Variants in DCHS2 observed in about 807,000 individuals in gnomAD.
DCHS2 encodes the protein dachsous cadherin-related 2.
DCHS2 carries 142 observed loss-of-function variants against 182.4 expected under a neutral mutation model. That is an observed-to-expected ratio of 0.78 (90% CI 0.68 to 0.89). The LOEUF is 0.89. Among genes scored for constraint, DCHS2 ranks in the 40% least tolerant of loss-of-function variants. The pLI, the probability that DCHS2 is intolerant of heterozygous loss-of-function variation, is 0.00. For missense variants in DCHS2, 4,319 were observed against 4,198.6 expected (o/e 1.03, Z -0.79); for synonymous variants, 1,740 against 1,663.3 (o/e 1.05, Z -1.12).
intron 12 of DCHS2, 153 bp from the exon 13 acceptor site, chr4:154,298,861 A>G: frequency 8.6e-7 from 1 of 1,167,394 alleles, no homozygotes; most frequent in Non-Finnish European, 1.1e-6. Flanking sequence ...TGGGGATATA[A>G]CAGTAAGCAT....
At chr4:154,387,542 A>G (rs1240055702) in intron 1 of DCHS2, among the ~76,000 whole-genome samples, 3 of 152,188 alleles carry the variant, frequency 2.0e-5, no homozygotes, top group Non-Finnish European at 4.4e-5. Context: ...GAGATTCTAC[A>G]CCAATATGTT....
At chr4:154,256,708 TTAG>T (rs1732692971) in intron 15 of DCHS2, among the ~76,000 whole-genome samples, 1 of 152,182 alleles carries the variant, frequency 6.6e-6, no homozygotes, top group Non-Finnish European at 1.5e-5. Context: ...AGCCTTAGTC[TTAG>T]CTCCTGTCCC....
rs184529509 is a variant in DCHS2 at position 154,359,808 on chromosome 4, G to T, written c.2476+6402C>A. Among the ~76,000 whole-genome samples the T allele has an allele frequency of 1.2e-4, 18 of 152,008 alleles. No homozygotes were observed. In the East Asian group the frequency reaches 3.5e-3, roughly 29 times the overall value. On this transcript the variant is annotated intron_variant, in intron 3 of 19. Transcript: ENST00000357232. ...TTAAGAAAAAAATGTACCTGTTTTG[G>T]AAAAGTCCACTGAGTTCTACTTACT...
At chr4:154,361,788 G>A (rs1294245305) in intron 3 of DCHS2, among the ~76,000 whole-genome samples, 1 of 151,904 alleles carries the variant, frequency 6.6e-6, no homozygotes, top group Admixed American at 6.6e-5. Context: ...CATACCAGAT[G>A]AACACAGTAA....
chr4:154,393,310 T>A (rs1274977072), intron 1 of DCHS2, among the ~76,000 whole-genome samples: 1 of 152,182 alleles, frequency 6.6e-6, no homozygotes, highest in Non-Finnish European at 1.5e-5. Flanking sequence ...CAAGTCCCAT[T>A]CACATGGCTC....
intron 1 of DCHS2, among the ~76,000 whole-genome samples, chr4:154,405,197 G>A (rs1002029270): frequency 2.0e-5 from 3 of 152,114 alleles, no homozygotes; most frequent in Admixed American, 6.5e-5. Context: ...TTGCAAGTGA[G>A]CTGAGATCAC....
chr4:154,248,798 C>T (rs1160916716), intron 16 of DCHS2, among the ~76,000 whole-genome samples: 1 of 152,074 alleles, frequency 6.6e-6, no homozygotes, highest in Non-Finnish European at 1.5e-5. Context: ...TACAACCATT[C>T]AATCTTTGAC....
At chr4:154,360,395 G>A (rs560313625) in intron 3 of DCHS2, among the ~76,000 whole-genome samples, 1 of 152,094 alleles carries the variant, frequency 6.6e-6, no homozygotes, top group East Asian at 1.9e-4. Flanking sequence ...TCTGTGATCT[G>A]GTACGAGAAA....
At chr4:154,334,207 T>C (rs1051223306) in intron 4 of DCHS2, 5 of 152,552 alleles carry the variant, frequency 3.3e-5, no homozygotes, top group African/African-American at 9.7e-5. Context: ...ATACTCTCCA[T>C]AGAGATTGAG....
chr4:154,235,965 C>T lies in DCHS2; in HGVS notation c.8687G>A (p.Arg2896Lys). 6.2e-7 allele frequency: 1 copy of T among 1,614,016 alleles called. No homozygotes were observed. Among genetic ancestry groups the T allele is most frequent in the Non-Finnish European group, 8.5e-7 (1 of 1,179,940 alleles). ...FFTLPEKNKD[R>K]QLIGRVEASD... ...GGCTTCCACTCTGCCAATCAACTGT[C>T]TGTCTTTATTCTTTTCTGGGAGGGT... The change falls in exon 20 of 20, where the codon AGA becomes AAA. Residue 2896 changes from arginine (R) to lysine (K), a missense_variant. Physicochemically the swap from Arg to Lys is conservative, Grantham distance 26 (BLOSUM62 2). Transcript: ENST00000357232.
Position 154,286,814 on chromosome 4 carries a change from G to T in DCHS2, c.6463+11037C>A, listed in dbSNP as rs367768013. Among the ~76,000 whole-genome samples the T allele has an allele frequency of 3.9e-5, 6 of 152,086 alleles. No homozygotes were observed. In the East Asian group the frequency reaches 9.7e-4, roughly 24 times the overall value. ...GTTTATTCAAAGGGATGATAACAGA[G>T]AACTCCTCAAACTTAGAGAAAGATA... On this transcript the variant is annotated intron_variant, in intron 13 of 19. Transcript: ENST00000357232.
intron 1 of DCHS2, among the ~76,000 whole-genome samples, chr4:154,419,311 A>G (rs938782639): frequency 3.9e-5 from 6 of 152,204 alleles, no homozygotes; most frequent in Non-Finnish European, 7.3e-5. Context: ...ACCTGCTTGG[A>G]TATCAAACTA....
chr4:154,420,275 A>AGATAGATAGATAGAT (rs1733056053), intron 1 of DCHS2, among the ~76,000 whole-genome samples: 1 of 152,012 alleles, frequency 6.6e-6, no homozygotes, highest in African/African-American at 2.4e-5. Context: ...ATAGATAGAT[A>AGATAGATAGATAGAT]GATAGATAGA....
rs1203898512 is a variant in DCHS2, at chr4:154,237,021, T to C, written c.7631A>G (p.Asn2544Ser). Residue 2544 changes from asparagine to serine, a missense_variant, in exon 20 of 20, where the codon AAT (asparagine) becomes AGT (serine). Coordinates refer to ENST00000357232, the MANE Select transcript of DCHS2 (RefSeq NM_001358235.2). ...TTTGACTGTGAATTCAGGGGCATAA[T>C]TGTTCATATCTTCTATTCCTATCTC... is the stretch of plus-strand genomic sequence containing the variant. Reference protein sequence around the residue: ...LVEIGIEDMNNYAPEFTVKSY... With the variant: ...LVEIGIEDMNSYAPEFTVKSY... The C allele has an allele frequency of 6.2e-7, 1 of 1,614,026 alleles. No individual in the cohort carries two copies. Among genetic ancestry groups the C allele is most frequent in the Admixed American group, 1.7e-5 (1 of 60,020 alleles).
intron 1 of DCHS2, among the ~76,000 whole-genome samples, chr4:154,406,627 A>AT (rs1732413312): frequency 6.6e-6 from 1 of 152,148 alleles, no homozygotes; most frequent in Non-Finnish European, 1.5e-5. Flanking sequence ...CCTTCATCTC[A>AT]TTACATCTTA....
intron 14 of DCHS2, among the ~76,000 whole-genome samples, chr4:154,268,372 G>A (rs1733404390): frequency 6.6e-6 from 1 of 152,170 alleles, no homozygotes; most frequent in South Asian, 2.1e-4. Flanking sequence ...ATATGTGACA[G>A]TGAAACTGAG....
chr4:154,237,468 A>G (rs1731587755), intron 19 of DCHS2: 1 of 210,636 alleles, frequency 4.7e-6, no homozygotes, highest in Admixed American at 5.6e-5. Context: ...TTCTTAAAAA[A>G]TATTTTTGTT....
chr4:154,410,574 C>CAAAAAAAAAAAAAA (rs1160670540), intron 1 of DCHS2, among the ~76,000 whole-genome samples: 1 of 35,364 alleles, frequency 2.8e-5, no homozygotes, highest in African/African-American at 1.0e-4. Flanking sequence ...GACTCCATCT[C>CAAAAAAAAAAAAAA]AAAAAAAAAA....
chr4:154,288,351 AT>A (rs1309811188), intron 13 of DCHS2, among the ~76,000 whole-genome samples: 4 of 152,226 alleles, frequency 2.6e-5, no homozygotes, highest in African/African-American at 4.8e-5. Flanking sequence ...TGATGAATCA[AT>A]TCAGCAAAAG....
Sources: allele counts gnomAD v4.1 joint callset (sites outside exome capture counted in the v4.1 genomes callset), GRCh38; gene constraint gnomAD v4.1.1; transcripts MANE v1.5; gene names NCBI Gene and HGNC (gene_info 2026-07-23, HGNC 2026-07-21).